PCDHA9: variants seen among roughly 807,000 people sequenced by gnomAD.
The protein encoded by PCDHA9 is protocadherin alpha 9.
In PCDHA9, 62 loss-of-function variants were observed where a neutral mutation model predicts 62.0. The ratio of observed to expected loss-of-function variants is 1.00; its 90% confidence interval spans 0.81 to 1.23. The LOEUF is 1.23. Among genes scored for constraint, PCDHA9 ranks in the 50% most tolerant of loss-of-function variants. The probability of loss-of-function intolerance (pLI) is 0.00; values close to 1 mark genes in which losing one functional copy is unlikely to be tolerated. For missense variants in PCDHA9, 1,205 were observed against 1,249.8 expected, an observed-to-expected ratio of 0.96 and a Z score of 0.54; for synonymous variants, 557 against 567.6, an observed-to-expected ratio of 0.98 and a Z score of 0.27.
At chr5:140,880,687 C>G (rs999356626) in intron 1 of PCDHA9, among the ~76,000 whole-genome samples, 1 of 152,130 alleles carries the variant, frequency 6.6e-6, no homozygotes, top group Non-Finnish European at 1.5e-5. Context: ...AGAGAATAGT[C>G]ATGGTTAAGT....
chr5:140,966,613 A>T, intron 1 of PCDHA9: 1 of 756,596 alleles, frequency 1.3e-6, no homozygotes, highest in Non-Finnish European at 1.9e-6. Flanking sequence ...GGGAGGGCCT[A>T]CGGAGGGAGC....
At chr5:140,911,985 A>C (rs1554195072) in intron 1 of PCDHA9, among the ~76,000 whole-genome samples, 2 of 152,204 alleles carry the variant, frequency 1.3e-5, no homozygotes, top group African/African-American at 4.8e-5. Flanking sequence ...CATGATCACA[A>C]GGTCCCACAA....
At chr5:140,927,547 G>A (rs2084343936) in intron 1 of PCDHA9, 2 of 1,614,126 alleles carry the variant, frequency 1.2e-6, no homozygotes, top group Non-Finnish European at 8.5e-7. Flanking sequence ...AGACGCACAA[G>A]TCACCATCAT....
chr5:140,923,959 C>A (rs2153570659), intron 1 of PCDHA9, among the ~76,000 whole-genome samples: 1 of 152,348 alleles, frequency 6.6e-6, no homozygotes, highest in Non-Finnish European at 1.5e-5. Context: ...ACGCCCTAAT[C>A]TATACCCACA....
At chr5:140,999,837 A>T (rs2097878885) in intron 3 of PCDHA9, among the ~76,000 whole-genome samples, 1 of 152,206 alleles carries the variant, frequency 6.6e-6, no homozygotes, top group Non-Finnish European at 1.5e-5. Context: ...AAATATGCCA[A>T]GTGTATTTAT....
Position 140,941,473 on chromosome 5 carries a change from G to A in PCDHA9, c.2395-37476G>A, listed in dbSNP as rs192163900. Among the ~76,000 whole-genome samples, 149 of 151,018 alleles carry A rather than the reference G, an allele frequency of 9.9e-4. 1 individual carries two copies. Among genetic ancestry groups the A allele is most frequent in the African/African-American group, 3.5e-3 (143 of 41,138 alleles). Reference sequence around the variant, plus strand: ...TGGGATTACAGGCGCCCACCACCACGCCTGGCTAATTTTTTGTATTTTTAG... The same window carrying A: ...TGGGATTACAGGCGCCCACCACCACACCTGGCTAATTTTTTGTATTTTTAG... On this transcript the variant is annotated intron_variant, in intron 1 of 3. Coordinates refer to ENST00000532602, the MANE Select transcript of PCDHA9 (RefSeq NM_031857.2).
intron 1 of PCDHA9, among the ~76,000 whole-genome samples, chr5:140,873,732 C>T (rs1309470062): frequency 6.6e-6 from 1 of 152,166 alleles, no homozygotes; most frequent in African/African-American, 2.4e-5. Context: ...GCAATCTCAG[C>T]TCACTGCAAT....
intron 1 of PCDHA9, among the ~76,000 whole-genome samples, chr5:140,914,207 A>C (rs1485868934): frequency 6.6e-6 from 1 of 152,060 alleles, no homozygotes; most frequent in Admixed American, 6.6e-5. Context: ...TGTGATCTCT[A>C]TCTCTCTTTT....
Position 141,009,979 on chromosome 5 carries a change from T to C in PCDHA9, c.*42T>C. 2.5e-6 allele frequency: 4 copies of C among 1,583,392 alleles called. No individual in the cohort carries two copies. Among genetic ancestry groups the C allele is most frequent in the Non-Finnish European group, 3.4e-6 (4 of 1,168,152 alleles). On this transcript the variant is annotated 3_prime_UTR_variant, in exon 4 of 4. Coordinates refer to ENST00000532602, the MANE Select transcript of PCDHA9 (RefSeq NM_031857.2). The stretch of plus-strand genomic sequence containing the variant: ...CAAGCCACTTAGCCAGTTTTTGTAA[T>C]AATGGCAAATCTCTCCCATGTAGCA...
intron 1 of PCDHA9, among the ~76,000 whole-genome samples, chr5:140,952,645 G>A (rs1396823510): frequency 6.6e-6 from 1 of 152,082 alleles, no homozygotes; most frequent in Non-Finnish European, 1.5e-5. Context: ...ACCTGTGCCT[G>A]GTTACCCAGT....
Position 140,851,014 on chromosome 5 carries a change from T to G in PCDHA9, c.2394+125T>G, listed in dbSNP as rs982386368. 9 of 1,434,762 alleles carry G rather than the reference T, an allele frequency of 6.3e-6. No individual in the cohort carries two copies. In the East Asian group the frequency reaches 2.2e-4, roughly 35 times the overall value. The allele number at this position is 1,434,762 out of a possible 1,614,324, so 88.9% of individuals were successfully genotyped here. On this transcript the variant is annotated intron_variant, in intron 1 of 3. Coordinates refer to ENST00000532602, the MANE Select transcript of PCDHA9 (RefSeq NM_031857.2). ...CTAGAAATCCAGCAGATTTTTTTTC[T>G]GATAAAGTAAACCCCTTAACATTGG... is the stretch of plus-strand genomic sequence containing the variant.
intron 1 of PCDHA9, among the ~76,000 whole-genome samples, chr5:140,887,337 C>T (rs2153419784): frequency 6.6e-6 from 1 of 152,268 alleles, no homozygotes; most frequent in East Asian, 1.9e-4. Flanking sequence ...ACCTCGTGAT[C>T]CACCTGGCTC....
chr5:140,860,414 C>T (rs1180297544), intron 1 of PCDHA9: 1 of 152,016 alleles, frequency 6.6e-6, no homozygotes, highest in Non-Finnish European at 1.5e-5. Flanking sequence ...ATAGTAACAC[C>T]ATTATCCTGC....
At chr5:140,883,697 G>A (rs376619145) in intron 1 of PCDHA9, 3 of 1,613,880 alleles carry the variant, frequency 1.9e-6, no homozygotes, top group South Asian at 1.1e-5. Flanking sequence ...CATCTTCACG[G>A]TGTCTGCTCA....
chr5:140,876,862 G>A (rs1554169053), intron 1 of PCDHA9: 2 of 1,614,168 alleles, frequency 1.2e-6, no homozygotes, highest in Non-Finnish European at 1.7e-6. Context: ...CACAGTGTTC[G>A]TGAAGGAGAA....
At chr5:140,882,606 C>A (rs782588313) in intron 1 of PCDHA9, 1 of 1,614,120 alleles carries the variant, frequency 6.2e-7, no homozygotes, top group African/African-American at 1.3e-5. Context: ...GTGGACAGGC[C>A]TCTGCAGGTT....
At chr5:140,856,911 T>A in intron 1 of PCDHA9, 2 of 1,595,928 alleles carry the variant, frequency 1.3e-6, no homozygotes, top group East Asian at 2.2e-5. Flanking sequence ...CCACCCACGA[T>A]AAGAAGGAAA....
At chr5:140,922,430 A>G (rs574413053) in intron 1 of PCDHA9, among the ~76,000 whole-genome samples, 6 of 152,246 alleles carry the variant, frequency 3.9e-5, no homozygotes, top group Non-Finnish European at 7.3e-5. Context: ...GGCTGAGGGC[A>G]GAACTCTCTC....
intron 3 of PCDHA9, chr5:140,988,873 G>A (rs1471282852): frequency 6.6e-6 from 1 of 152,170 alleles, no homozygotes; most frequent in Non-Finnish European, 1.5e-5. Context: ...GCACTCAGAT[G>A]TACGATCCTG....
Sources: gnomAD v4.1 joint callset for allele counts (sites outside exome capture counted in the v4.1 genomes callset) on GRCh38, gnomAD v4.1.1 for gene constraint, MANE v1.5 for transcripts, NCBI Gene and HGNC (gene_info 2026-07-23, HGNC 2026-07-21) for gene names.